FAT1: variants seen among roughly 807,000 people sequenced by gnomAD.
The protein encoded by FAT1 is FAT atypical cadherin 1, also known as protocadherin Fat 1.
A neutral mutation model predicts 329.8 loss-of-function variants in FAT1; 171 were observed. That is an observed-to-expected ratio of 0.52 (90% CI 0.46 to 0.59). The LOEUF (loss-of-function observed/expected upper bound fraction) is 0.59. Ranked by LOEUF, FAT1 falls within the 20% of genes least tolerant of loss-of-function variation. The probability of loss-of-function intolerance (pLI) is 0.00; values close to 1 mark genes in which losing one functional copy is unlikely to be tolerated. For missense variants in FAT1, 5,672 were observed against 5,774.4 expected (o/e 0.98, Z 0.57); for synonymous variants, 2,233 against 2,228.6 (o/e 1.00, Z -0.06).
At chr4:186,609,644 T>C (rs980447761) in intron 15 of FAT1, among the ~76,000 whole-genome samples, 157 bp downstream of exon 15, 3 of 152,124 alleles carry the variant, frequency 2.0e-5, no homozygotes, top group African/African-American at 4.8e-5. Context: ...CAATTATTCA[T>C]AACAAAGTCA....
chr4:186,625,984 G>C (rs1393350275), intron 9 of FAT1, among the ~76,000 whole-genome samples: 10 of 143,000 alleles, frequency 7.0e-5, no homozygotes, highest in Non-Finnish European at 7.6e-5. Context: ...CATGGCACCT[G>C]GCACATAAAG....
chr4:186,658,115 T>G (rs1006244699), intron 3 of FAT1, among the ~76,000 whole-genome samples: 2 of 152,208 alleles, frequency 1.3e-5, no homozygotes, highest in Non-Finnish European at 2.9e-5. Flanking sequence ...TAACTGATGA[T>G]GGACACAGTC....
Position 186,628,008 on chromosome 4 carries a change from A to G in FAT1, c.4810+146T>C, listed in dbSNP as rs1034524317. Reference sequence around the variant, plus strand: ...AAAAAAAAAAAATTCCTTTCTCCTAACATGTAAAATTGTATCTAGAGATCA... The same window carrying G: ...AAAAAAAAAAAATTCCTTTCTCCTAGCATGTAAAATTGTATCTAGAGATCA... On this transcript the variant is annotated intron_variant, in intron 9 of 26. Transcript: ENST00000441802. The G allele has an allele frequency of 9.0e-6, 8 of 892,170 alleles. No homozygotes were observed. In the African/African-American group the frequency reaches 1.4e-4, roughly 15 times the overall value. The allele number at this position is 892,170 out of a possible 1,614,324, so 55.3% of individuals were successfully genotyped here. A position where few individuals can be genotyped will look rare whatever the true frequency, so the allele number is the denominator to read the frequency against.
intron 1 of FAT1, among the ~76,000 whole-genome samples, chr4:186,718,442 G>A (rs1745315324): frequency 6.6e-6 from 1 of 152,116 alleles, no homozygotes; most frequent in Non-Finnish European, 1.5e-5. Context: ...GCTGAGGTGG[G>A]CAGATCATGA....
At chr4:186,615,218 AAGAG>A (rs973104488) in intron 11 of FAT1, among the ~76,000 whole-genome samples, 2 of 152,290 alleles carry the variant, frequency 1.3e-5, no homozygotes, top group East Asian at 1.9e-4. Context: ...CAGTTGCTGT[AAGAG>A]AGAGAGAATG....
At chr4:186,701,508 ACT>A (rs1334992875) in intron 2 of FAT1, among the ~76,000 whole-genome samples, 1 of 151,714 alleles carries the variant, frequency 6.6e-6, no homozygotes, top group African/African-American at 2.4e-5. Flanking sequence ...ACATTTTTTA[ACT>A]CTCTGCCGGG....
At chr4:186,631,023 A>C (rs1740558387) in intron 7 of FAT1, among the ~76,000 whole-genome samples, 1 of 152,320 alleles carries the variant, frequency 6.6e-6, no homozygotes, top group African/African-American at 2.4e-5. Context: ...CTGTTTCCGC[A>C]GGGCACTGGC....
At chr4:186,641,536 A>C (rs1400880674) in intron 3 of FAT1, among the ~76,000 whole-genome samples, 1 of 152,230 alleles carries the variant, frequency 6.6e-6, no homozygotes, top group East Asian at 1.9e-4. Context: ...TGGTAACATC[A>C]CGTGGAATAG....
chr4:186,617,764 C>T lies in FAT1; in HGVS notation c.8822G>A (p.Ser2941Asn), dbSNP rs755537433. 1.9e-6 allele frequency: 3 copies of T among 1,612,912 alleles called. No individual in the cohort carries two copies. The highest frequency in any genetic ancestry group is 2.2e-5 in the East Asian group (1 of 44,866). The change falls in exon 10 of 27, where the codon AGT becomes AAT. Residue 2941 changes from serine (S) to asparagine (N), a missense_variant. Around this residue, in one of 2 missense-constraint regions of FAT1, gnomAD observed 3,966 missense variants for 3,915.2 expected, o/e 1.01. Coordinates refer to ENST00000441802, the MANE Select transcript of FAT1 (RefSeq NM_005245.4). ...DPQGGVIAIL[S>N]TTDADSEEIN... ...CTCTTCAGAATCAGCATCCGTGGTA[C>T]TTAAGATGGCAATCACCCCACCTTG...
rs1383007628 is a variant in FAT1 at position 186,636,899 on chromosome 4, T to C, written c.3658A>G (p.Asn1220Asp). The change falls in exon 5 of 27, where the codon AAT becomes GAT. Residue 1220 changes from asparagine to aspartate, a missense_variant. Transcript: ENST00000441802. The part of the protein sequence containing the change: ...EHILEVTVTD[N>D]GSPPKSTIAR... The stretch of plus-strand genomic sequence containing the variant: ...ATGGTTGATTTGGGGGGACTACCAT[T>C]GTCTGTCACAGTAACCTGTTTTTTT... The C allele has an allele frequency of 1.9e-6, 3 of 1,607,892 alleles. No homozygotes were observed. Among genetic ancestry groups the C allele is most frequent in the Non-Finnish European group, 1.7e-6 (2 of 1,177,590 alleles).
chr4:186,675,664 G>A (rs1219222092), intron 2 of FAT1, among the ~76,000 whole-genome samples: 1 of 151,792 alleles, frequency 6.6e-6, no homozygotes, highest in Non-Finnish European at 1.5e-5. Context: ...GGCTGAGGTG[G>A]GAGGATCACA....
intron 9 of FAT1, among the ~76,000 whole-genome samples, chr4:186,623,534 T>G (rs1038865809): frequency 6.6e-6 from 1 of 152,194 alleles, no homozygotes; most frequent in Non-Finnish European, 1.5e-5. Context: ...ACTTCTCTCT[T>G]ATTGTACAGG....
At chr4:186,665,553 G>A (rs1441928337) in intron 2 of FAT1, among the ~76,000 whole-genome samples, 1 of 151,982 alleles carries the variant, frequency 6.6e-6, no homozygotes, top group Non-Finnish European at 1.5e-5. Flanking sequence ...TTTTTTTCTT[G>A]TAAATTTGTT....
chr4:186,706,313 G>A lies in FAT1; in HGVS notation c.3265+250C>T, dbSNP rs549671924. Among the ~76,000 whole-genome samples the A allele has an allele frequency of 2.0e-5, 3 of 152,276 alleles. No homozygotes were observed. In the South Asian group the frequency reaches 6.2e-4, roughly 32 times the overall value. On this transcript the variant is annotated intron_variant, in intron 2 of 26. Coordinates refer to ENST00000441802, the MANE Select transcript of FAT1 (RefSeq NM_005245.4). The stretch of plus-strand genomic sequence containing the variant: ...CAGTATCAGTGATAACAATTTCAAT[G>A]TATCCCTGGTCTTTTACTCACTTTA...
intron 11 of FAT1, among the ~76,000 whole-genome samples, chr4:186,614,993 C>A (rs1261201077): frequency 2.3e-5 from 3 of 127,812 alleles, no homozygotes; most frequent in African/African-American, 1.1e-4. Context: ...TAAATTAAAA[C>A]CTAAGACAAA....
At chr4:186,634,899 C>A (rs967583254) in intron 6 of FAT1, among the ~76,000 whole-genome samples, 2 of 152,202 alleles carry the variant, frequency 1.3e-5, no homozygotes, top group African/African-American at 4.8e-5. Context: ...GGTTACACAG[C>A]GAGGTCAGGT....
chr4:186,674,155 G>A (rs1368438662), intron 2 of FAT1, among the ~76,000 whole-genome samples: 2 of 152,170 alleles, frequency 1.3e-5, no homozygotes, highest in African/African-American at 4.8e-5. Context: ...ATGCCATATT[G>A]TTTAATCTTC....
At chr4:186,690,093 C>T (rs1400280293) in intron 2 of FAT1, among the ~76,000 whole-genome samples, 3 of 152,160 alleles carry the variant, frequency 2.0e-5, no homozygotes, top group South Asian at 4.2e-4. Flanking sequence ...TACTGCATTG[C>T]GTTACAGAAA....
In FAT1 at chr4:186,620,281, T is replaced by A. The variant is rs747386344; in HGVS notation, c.6305A>T (p.Tyr2102Phe). 1 of 1,613,960 alleles carries A rather than the reference T, an allele frequency of 6.2e-7. No individual in the cohort carries two copies. Among genetic ancestry groups the A allele is most frequent in the Non-Finnish European group, 8.5e-7 (1 of 1,179,898 alleles). Residue 2102 changes from tyrosine to phenylalanine, a missense_variant, in exon 10 of 27, where the codon TAT becomes TTT. By Grantham distance (22) the Tyr-to-Phe change is conservative. Coordinates refer to ENST00000441802, the MANE Select transcript of FAT1 (RefSeq NM_005245.4). ...ACTGTCTCTGTCTACAGCAGTGACATAGCGAATGACATGGCCCACCTCAGT... is the reference window on the plus strand; with the variant it reads ...ACTGTCTCTGTCTACAGCAGTGACAAAGCGAATGACATGGCCCACCTCAGT... Reference protein sequence around the residue: ...VDTEVGHVIRYVTAVDRDSGR... With the variant: ...VDTEVGHVIRFVTAVDRDSGR...
Sources: allele counts gnomAD v4.1 joint callset (sites outside exome capture counted in the v4.1 genomes callset), GRCh38; gene constraint gnomAD v4.1.1; regional missense constraint gnomAD v4.1.1; transcripts MANE v1.5; gene names NCBI Gene and HGNC (gene_info 2026-07-23, HGNC 2026-07-21).